CBLB: variants seen among roughly 807,000 people sequenced by gnomAD.
The protein encoded by CBLB is E3 ubiquitin-protein ligase CBL-B.
Under a neutral mutation model 104.9 loss-of-function variants are expected in CBLB, and 31 were observed. The ratio of observed to expected loss-of-function variants is 0.30; its 90% CI spans 0.22 to 0.40. CBLB has a LOEUF of 0.40. Among genes scored for constraint, CBLB ranks in the 10% least tolerant of loss-of-function variants. The pLI is 1.00. For synonymous variants in CBLB, 440 were observed against 422.6 expected, an observed-to-expected ratio of 1.04 and a Z score of -0.51; for missense variants, 1,062 against 1,214.6, an observed-to-expected ratio of 0.87 and a Z score of 1.87.
chr3:105,820,578 T>C (rs758243137), intron 3 of CBLB, among the ~76,000 whole-genome samples: 12 of 152,206 alleles, frequency 7.9e-5, no homozygotes, highest in Non-Finnish European at 1.5e-4. Flanking sequence ...GTTCCTATAG[T>C]GACTAAGGAA....
intron 3 of CBLB, among the ~76,000 whole-genome samples, chr3:105,819,187 C>G (rs1347473930): frequency 6.6e-6 from 1 of 152,082 alleles, no homozygotes; most frequent in Non-Finnish European, 1.5e-5. Flanking sequence ...TTAACAGATT[C>G]ATCAAAACAC....
chr3:105,703,926 T>C, intron 11 of CBLB, 62 bp downstream of exon 11: 1 of 1,453,898 alleles, frequency 6.9e-7, no homozygotes, highest in Non-Finnish European at 9.6e-7. Flanking sequence ...TTTAAAAGAA[T>C]CTGAGCAATC....
At chr3:105,690,134 G>A (rs1044840574) in intron 13 of CBLB, among the ~76,000 whole-genome samples, 2 of 150,672 alleles carry the variant, frequency 1.3e-5, no homozygotes, top group African/African-American at 4.8e-5. Context: ...TAGTATAAAT[G>A]TAAGGTAAAT....
intron 3 of CBLB, among the ~76,000 whole-genome samples, chr3:105,831,269 A>G (rs901037088): frequency 1.3e-5 from 2 of 152,228 alleles, no homozygotes; most frequent in African/African-American, 4.8e-5. Context: ...GTATACTCCC[A>G]TTCCTTTAAA....
At chr3:105,793,835 C>A (rs1319344434) in intron 3 of CBLB, among the ~76,000 whole-genome samples, 2 of 151,658 alleles carry the variant, frequency 1.3e-5, no homozygotes, top group African/African-American at 4.9e-5. Context: ...ATATACACTA[C>A]AAACTTTGAA....
At chr3:105,723,582 C>A (rs2152834264) in intron 9 of CBLB, among the ~76,000 whole-genome samples, 1 of 151,892 alleles carries the variant, frequency 6.6e-6, no homozygotes, top group South Asian at 2.1e-4. Flanking sequence ...TTTAGGTAAA[C>A]TCAGATAATT....
intron 17 of CBLB, chr3:105,670,888 C>G (rs1459496291): frequency 6.3e-6 from 1 of 159,774 alleles, no homozygotes; most frequent in East Asian, 1.5e-4. Flanking sequence ...ATACAAGGTG[C>G]TTATTATTAT....
At chr3:105,685,298 A>G (rs368755873) in intron 14 of CBLB, 22 bp downstream of exon 14, 1 of 1,609,430 alleles carries the variant, frequency 6.2e-7, no homozygotes, top group African/African-American at 1.3e-5. Flanking sequence ...TGTAAGTGGC[A>G]AAAATCTGCC....
At position 105,836,966 on chromosome 3, in the gene CBLB, C is replaced by CT. The variant is rs2088619705; in HGVS notation, c.419+16447_419+16448insA. On this transcript the variant is annotated intron_variant, in intron 3 of 18. Coordinates refer to ENST00000394030, the MANE Select transcript of CBLB (RefSeq NM_170662.5). The stretch of plus-strand genomic sequence containing the variant: ...ATGCTCACATCAAAACAAAACAAGA[C>CT]CAAAAAAAAAAAAAAATCATTTATA... 6.1e-5 allele frequency among the ~76,000 whole-genome samples: 3 copies of CT among 49,072 alleles called. No homozygotes were observed. In the East Asian group the frequency reaches 1.9e-3, roughly 32 times the overall value. 32.2% of individuals were successfully genotyped at this position (49,072 alleles called of 152,430 possible).
intron 3 of CBLB, among the ~76,000 whole-genome samples, chr3:105,814,816 T>C (rs752618095): frequency 6.7e-4 from 102 of 152,214 alleles, no homozygotes; most frequent in Middle Eastern, 3.4e-3. Flanking sequence ...TTATCCCTCA[T>C]GTCCAATGAA....
At chr3:105,855,528 A>G (rs1210081017) in intron 2 of CBLB, among the ~76,000 whole-genome samples, 4 of 152,218 alleles carry the variant, frequency 2.6e-5, no homozygotes, top group African/African-American at 4.8e-5. Context: ...AATAAATACA[A>G]TATTTTTTAA....
chr3:105,786,066 G>GGGA (rs1553794755), intron 3 of CBLB, among the ~76,000 whole-genome samples: 2 of 145,662 alleles, frequency 1.4e-5, no homozygotes, highest in South Asian at 2.2e-4. Flanking sequence ...AGGATCGGGG[G>GGGA]GGGGAAAGTG....
At chr3:105,680,571 G>T (rs901203735) in intron 16 of CBLB, among the ~76,000 whole-genome samples, 1 of 152,144 alleles carries the variant, frequency 6.6e-6, no homozygotes, top group African/African-American at 2.4e-5. Flanking sequence ...GGAGCCTTTT[G>T]TAATTGATGT....
chr3:105,861,899 A>G (rs547778965), intron 2 of CBLB, among the ~76,000 whole-genome samples: 78 of 152,218 alleles, frequency 5.1e-4, no homozygotes, highest in African/African-American at 1.5e-3. Flanking sequence ...TAATCATACA[A>G]TTCAATGACT....
chr3:105,704,218 A>G (rs1233135742), intron 10 of CBLB, 45 bp from the exon 11 acceptor site: 1 of 1,559,084 alleles, frequency 6.4e-7, no homozygotes. Flanking sequence ...TTAGCTGTGC[A>G]GAGTGTTCTC....
chr3:105,868,787 A>C lies in CBLB; in HGVS notation c.-66T>G. 1.0e-6 allele frequency: 1 copy of C among 988,476 alleles called. No homozygotes were observed. Among genetic ancestry groups the C allele is most frequent in the Non-Finnish European group, 1.2e-6 (1 of 832,074 alleles). The allele number at this position is 988,476 out of a possible 1,614,324, so 61.2% of individuals were successfully genotyped here. A position where few individuals can be genotyped will look rare whatever the true frequency, so the allele number is the denominator to read the frequency against. Reference sequence around the variant, plus strand: ...CACGCGTGTGCGCGGGTCCCACTCCACACGCACGCAGCCCAGTGTGTGTGG... The same window carrying C: ...CACGCGTGTGCGCGGGTCCCACTCCCCACGCACGCAGCCCAGTGTGTGTGG... On this transcript the variant is annotated 5_prime_UTR_variant, in exon 1 of 19. Coordinates refer to ENST00000394030, the MANE Select transcript of CBLB (RefSeq NM_170662.5).
At chr3:105,741,799 G>A (rs1161682657) in intron 6 of CBLB, among the ~76,000 whole-genome samples, 2 of 151,798 alleles carry the variant, frequency 1.3e-5, no homozygotes, top group South Asian at 2.1e-4. Context: ...GATTACAGGC[G>A]TGAGCCACCG....
intron 6 of CBLB, among the ~76,000 whole-genome samples, chr3:105,745,709 C>T (rs16851557): frequency 0.017 from 2,662 of 152,204 alleles, 70 homozygotes; most frequent in African/African-American, 0.061. Context: ...ACCATATCCC[C>T]TTTCACTTTA....
intron 11 of CBLB, among the ~76,000 whole-genome samples, chr3:105,703,303 A>G (rs957555474): frequency 2.0e-5 from 3 of 152,214 alleles, no homozygotes; most frequent in Non-Finnish European, 4.4e-5. Context: ...CAGGAAAATC[A>G]AACACTACTA....
Sources: allele counts gnomAD v4.1 joint callset (sites outside exome capture counted in the v4.1 genomes callset), GRCh38; gene constraint gnomAD v4.1.1; transcripts MANE v1.5; gene names NCBI Gene and HGNC (gene_info 2026-07-23, HGNC 2026-07-21).